Variants in RHCG observed in about 807,000 individuals in gnomAD.
RHCG encodes the protein ammonium transporter Rh type C.
A neutral mutation model predicts 55.3 loss-of-function variants in RHCG; 39 were observed. The ratio of observed to expected loss-of-function variants is 0.70; its 90% CI spans 0.55 to 0.92. The LOEUF (loss-of-function observed/expected upper bound fraction) is 0.92, where lower values mean the gene tolerates loss of function less well. Ranked by LOEUF, RHCG falls within the 40% of genes least tolerant of loss-of-function variation. The pLI is 0.00. For synonymous variants in RHCG, 250 were observed against 246.8 expected (o/e 1.01, Z -0.12); for missense variants, 635 against 627.9 (o/e 1.01, Z -0.12).
chr15:89,478,029 G>T, intron 5 of RHCG, 55 bp from the exon 6 acceptor site: 1 of 1,546,534 alleles, frequency 6.5e-7, no homozygotes, highest in Non-Finnish European at 8.7e-7. Flanking sequence ...GGAGCACCGG[G>T]CCTGGAGGAG....
chr15:89,496,507 A>T lies in RHCG; in HGVS notation c.38T>A (p.Leu13His), dbSNP rs763579915. The change falls in exon 1 of 11, where the codon CTC becomes CAC. Residue 13 changes from leucine to histidine, a missense_variant. Transcript: ENST00000268122. The part of the protein sequence containing the change: ...WNTNLRWRLP[L>H]TCLLLQVIMV... ...AATCACCTGCAGGAGCAGGCAGGTG[A>T]GCGGCAGCCGCCAGCGGAGGTTGGT... 6 of 1,613,076 alleles carry T rather than the reference A, an allele frequency of 3.7e-6. No individual in the cohort carries two copies. In the Admixed American group the frequency reaches 1.0e-4, roughly 27 times the overall value.
chr15:89,480,479 C>CCA (rs145160606), intron 3 of RHCG, 71 bp from the exon 4 acceptor site: 83 of 1,529,416 alleles, frequency 5.4e-5, no homozygotes, highest in Middle Eastern at 2.0e-4. Flanking sequence ...CCCTGTCTTG[C>CCA]CACACACACA....
intron 2 of RHCG, among the ~76,000 whole-genome samples, chr15:89,484,887 G>C (rs1162623693): frequency 1.3e-5 from 2 of 152,136 alleles, no homozygotes; most frequent in Non-Finnish European, 2.9e-5. Context: ...GAGGGCCGAG[G>C]AAGCTTGGGC....
In RHCG at chr15:89,486,740, A is replaced by G. The variant is rs1961377527; in HGVS notation, c.371+59T>C. On this transcript the variant is annotated intron_variant, in intron 2 of 10. Coordinates refer to ENST00000268122, the MANE Select transcript of RHCG (RefSeq NM_016321.3). ...GGGCACGCCCTCCTCCCTCAGGCTC[A>G]CCTGCCCAGCCCCATCCCTCCCAGT... 5.8e-6 allele frequency: 9 copies of G among 1,539,052 alleles called. No individual in the cohort carries two copies. In the East Asian group the frequency reaches 1.8e-4, roughly 31 times the overall value.
intron 1 of RHCG, among the ~76,000 whole-genome samples, chr15:89,491,500 C>T (rs2141902404): frequency 6.6e-6 from 1 of 152,314 alleles, no homozygotes; most frequent in African/African-American, 2.4e-5. Flanking sequence ...GGCGTGGTGG[C>T]TCATGACTGT....
chr15:89,475,732 T>G (rs929764705), intron 9 of RHCG, among the ~76,000 whole-genome samples: 1 of 151,996 alleles, frequency 6.6e-6, no homozygotes, highest in African/African-American at 2.4e-5. Flanking sequence ...GAGGAAGCTT[T>G]AAAAAAATTC....
chr15:89,476,966 C>T, intron 8 of RHCG, 116 bp downstream of exon 8: 1 of 1,554,194 alleles, frequency 6.4e-7, no homozygotes, highest in South Asian at 1.1e-5. Flanking sequence ...GCCAGAAGTG[C>T]AGAGATCAGG....
chr15:89,480,298 CTGTCTCTCCT>C lies in RHCG; in HGVS notation c.623_632del (p.Lys208ArgfsTer12), dbSNP rs1961241726. On this transcript the variant is annotated frameshift_variant, in exon 4 of 11. Transcript: ENST00000268122. LOFTEE classifies it high-confidence loss of function. The stretch of plus-strand genomic sequence containing the variant: ...AGAGGTCCGACTGGTACACAGAATT[CTGTCTCTCCT>C]TGCTCTGCTCTAGGTTGCGTCGGTA... 6.2e-7 allele frequency: 1 copy of C among 1,614,086 alleles called. No individual in the cohort carries two copies. Among genetic ancestry groups the C allele is most frequent in the African/African-American group, 1.3e-5 (1 of 74,946 alleles).
intron 1 of RHCG, among the ~76,000 whole-genome samples, chr15:89,487,232 G>C (rs539176641): frequency 6.6e-6 from 1 of 152,178 alleles, no homozygotes; most frequent in African/African-American, 2.4e-5. Context: ...GGAGGCGCTG[G>C]GGGGGACCCG....
intron 1 of RHCG, among the ~76,000 whole-genome samples, chr15:89,491,492 C>T (rs867301900): frequency 7.2e-5 from 11 of 152,134 alleles, no homozygotes; most frequent in South Asian, 2.1e-4. Flanking sequence ...TTAGGCTGGG[C>T]GTGGTGGCTC....
At chr15:89,482,535 T>C (rs1008677839) in intron 3 of RHCG, among the ~76,000 whole-genome samples, 2 of 152,168 alleles carry the variant, frequency 1.3e-5, no homozygotes, top group Admixed American at 6.5e-5. Flanking sequence ...CAAGGAGGCT[T>C]CTGAGATAGA....
At chr15:89,472,942 G>A in intron 9 of RHCG, 79 bp from the exon 10 acceptor site, 1 of 1,370,806 alleles carries the variant, frequency 7.3e-7, no homozygotes, top group South Asian at 1.7e-5. Context: ...ACCTGGAGCT[G>A]CAAATGGTGT....
Position 89,477,023 on chromosome 15 carries a change from T to C in RHCG, c.1237+59A>G, listed in dbSNP as rs1313232163. On this transcript the variant is annotated intron_variant, in intron 8 of 10. Transcript: ENST00000268122. The surrounding 1 kb of genome is among the most constrained non-coding windows in gnomAD (Gnocchi z 4.5). ...ACCTGTGCCGCATGCCCTTTGCTTC[T>C]CCACCCAGGGAGCCCCACAGCAGCA... 6.2e-7 allele frequency: 1 copy of C among 1,609,736 alleles called. No homozygotes were observed. The highest frequency in any genetic ancestry group is 8.5e-7 in the Non-Finnish European group (1 of 1,177,182).
chr15:89,488,518 C>T (rs1468456267), intron 1 of RHCG, among the ~76,000 whole-genome samples: 1 of 152,164 alleles, frequency 6.6e-6, no homozygotes, highest in Non-Finnish European at 1.5e-5. Flanking sequence ...CATGCCTCCA[C>T]ATGTGATACC....
At position 89,475,839 on chromosome 15, in the gene RHCG, G is replaced by A. The variant is rs79589465; in HGVS notation, c.1311+916C>T. ...TGTCAAAGCTCCCTAGGTGATTCCA[G>A]TGTGCATCTTAGCGCGAAAACCGCT... is the stretch of plus-strand genomic sequence containing the variant. On this transcript the variant is annotated intron_variant, in intron 9 of 10. Coordinates refer to ENST00000268122, the MANE Select transcript of RHCG (RefSeq NM_016321.3). Among the ~76,000 whole-genome samples, 1,085 of 152,310 alleles carry A rather than the reference G, an allele frequency of 7.1e-3. 19 individuals carry two copies. Among genetic ancestry groups the A allele is most frequent in the East Asian group, 0.042 (216 of 5,188 alleles).
intron 1 of RHCG, among the ~76,000 whole-genome samples, chr15:89,488,096 G>A (rs1258938929): frequency 6.6e-6 from 1 of 152,190 alleles, no homozygotes; most frequent in East Asian, 1.9e-4. Flanking sequence ...AGATGTCACA[G>A]GACACAGGGG....
chr15:89,477,285 C>T lies in RHCG; in HGVS notation c.1113-79G>A, dbSNP rs1047815903. On this transcript the variant is annotated intron_variant, in intron 7 of 10. Coordinates refer to ENST00000268122, the MANE Select transcript of RHCG (RefSeq NM_016321.3). The surrounding 1 kb of genome is among the most constrained non-coding windows in gnomAD (Gnocchi z 4.5). ...CTTGCTGCCACCCCAAAAATGTGAC[C>T]GGGTACCACGGGCCTCAGCCTTCCC... 35 of 1,569,692 alleles carry T rather than the reference C, an allele frequency of 2.2e-5. No individual in the cohort carries two copies. Among genetic ancestry groups the T allele is most frequent in the Middle Eastern group, 1.7e-4 (1 of 5,918 alleles).
chr15:89,477,899 C>A lies in RHCG; in HGVS notation c.913G>T (p.Gly305Cys). The part of the protein sequence containing the change: ...TAAEMMLMPY[G>C]ALIIGFVCGI... ...CAGACGAAGCCGATGATGAGGGCAC[C>A]GTAAGGCATGAGCATCATCTCAGCA... The change falls in exon 6 of 11, where the codon GGT becomes TGT. Residue 305 changes from glycine (G) to cysteine (C), a missense_variant. Gly to Cys is a radical substitution (Grantham distance 159, BLOSUM62 -3). Coordinates refer to ENST00000268122, the MANE Select transcript of RHCG (RefSeq NM_016321.3). This position sits in a 1 kb window ranked among gnomAD's most constrained non-coding sequence, Gnocchi z 4.5. 1 of 1,614,082 alleles carries A rather than the reference C, an allele frequency of 6.2e-7. No homozygotes were observed. Among genetic ancestry groups the A allele is most frequent in the Non-Finnish European group, 8.5e-7 (1 of 1,180,012 alleles).
chr15:89,472,797 C>T lies in RHCG; in HGVS notation c.1378G>A (p.Val460Ile), dbSNP rs563786980. The T allele has an allele frequency of 3.8e-6, 6 of 1,558,734 alleles. No homozygotes were observed. The South Asian group carries it at 4.7e-5, about 12-fold the overall frequency. ...DPTFKPSGPS[V>I]PSVPMVSPLP... The stretch of plus-strand genomic sequence containing the variant: ...GGGGACACCATGGGTACTGAGGGTA[C>T]TGAGGGTCCTGAGGGCTTGAAGGTG... The change falls in exon 10 of 11, where the codon GTA becomes ATA. Residue 460 changes from valine (V) to isoleucine (I), a missense_variant. By Grantham distance (29) the Val-to-Ile change is conservative (BLOSUM62 3). Coordinates refer to ENST00000268122, the MANE Select transcript of RHCG (RefSeq NM_016321.3).
Sources: gnomAD v4.1 joint callset for allele counts (sites outside exome capture counted in the v4.1 genomes callset) on GRCh38, gnomAD v4.1.1 for gene constraint, Gnocchi (gnomAD v3.1) non-coding constraint, MANE v1.5 for transcripts, NCBI Gene and HGNC (gene_info 2026-07-23, HGNC 2026-07-21) for gene names.